The following COX7B2 variants were observed in gnomAD, a reference collection of about 807,000 sequenced individuals.
The protein encoded by COX7B2 is cytochrome c oxidase subunit 7B2, mitochondrial.
For synonymous variants in COX7B2, 37 were observed against 32.1 expected (o/e 1.15, Z -0.51); for missense variants, 109 against 95.9 (o/e 1.14, Z -0.57).
chr4:46,736,186 A>G (rs2109385697), intron 2 of COX7B2, among the ~76,000 whole-genome samples: 1 of 152,306 alleles, frequency 6.6e-6, no homozygotes, highest in South Asian at 2.1e-4. Context: ...TTACCGAAAC[A>G]CCAAAGGTTT....
chr4:46,754,728 GTATATA>G (rs56248005), intron 2 of COX7B2, among the ~76,000 whole-genome samples: 5 of 39,868 alleles, frequency 1.3e-4, no homozygotes, highest in East Asian at 1.3e-3. Flanking sequence ...GTGTGTGTGT[GTATATA>G]TATATATATA....
At chr4:46,832,074 G>C (rs549361136) in intron 2 of COX7B2, among the ~76,000 whole-genome samples, 41 of 152,300 alleles carry the variant, frequency 2.7e-4, no homozygotes, top group African/African-American at 9.6e-4. Flanking sequence ...GGCCAGATAA[G>C]AGAATAAAAG....
intron 1 of COX7B2, among the ~76,000 whole-genome samples, chr4:46,868,723 T>C (rs1193539068): frequency 6.6e-6 from 1 of 152,232 alleles, no homozygotes; most frequent in Non-Finnish European, 1.5e-5. Context: ...TAATTGAATG[T>C]GGTCCAAAAG....
chr4:46,782,889 A>G (rs1162140140), intron 2 of COX7B2, among the ~76,000 whole-genome samples: 6 of 152,208 alleles, frequency 3.9e-5, no homozygotes, highest in Non-Finnish European at 8.8e-5. Context: ...CCAACTCTGG[A>G]CACACCATCT....
At chr4:46,871,677 AACAG>A (rs1718000389) in intron 1 of COX7B2, among the ~76,000 whole-genome samples, 1 of 152,120 alleles carries the variant, frequency 6.6e-6, no homozygotes, top group East Asian at 1.9e-4. Flanking sequence ...AAAAGACATG[AACAG>A]ACACTTTTCA....
chr4:46,757,404 T>C (rs772620742), intron 2 of COX7B2, among the ~76,000 whole-genome samples: 1 of 152,074 alleles, frequency 6.6e-6, no homozygotes, highest in African/African-American at 2.4e-5. Context: ...GCCCAGACTA[T>C]CATTATGCAA....
chr4:46,799,274 G>T (rs552741515), intron 2 of COX7B2, among the ~76,000 whole-genome samples: 1 of 152,148 alleles, frequency 6.6e-6, no homozygotes, highest in Non-Finnish European at 1.5e-5. Context: ...GAAACGATGA[G>T]GTTTTCTAAT....
chr4:46,865,441 T>A (rs1717608536), intron 1 of COX7B2, among the ~76,000 whole-genome samples: 1 of 152,216 alleles, frequency 6.6e-6, no homozygotes, highest in Non-Finnish European at 1.5e-5. Flanking sequence ...CTTTTTCATA[T>A]AACAACCTCT....
chr4:46,767,296 A>G (rs536639219), intron 2 of COX7B2, among the ~76,000 whole-genome samples: 6 of 152,242 alleles, frequency 3.9e-5, no homozygotes, highest in Non-Finnish European at 7.3e-5. Flanking sequence ...AAAGTGGTCA[A>G]TTCATCAGGA....
At chr4:46,751,142 T>TC (rs1715347493) in intron 2 of COX7B2, among the ~76,000 whole-genome samples, 2 of 152,048 alleles carry the variant, frequency 1.3e-5, no homozygotes, top group African/African-American at 4.8e-5. Context: ...AAGATTTTTT[T>TC]TTTAGTTTTG....
intron 2 of COX7B2, among the ~76,000 whole-genome samples, chr4:46,744,203 T>C (rs6835325): frequency 0.011 from 1,666 of 151,374 alleles, 19 homozygotes; most frequent in Middle Eastern, 0.037. Flanking sequence ...CCGAGAAGGA[T>C]CCCCAGGCGT....
chr4:46,850,072 T>C (rs942362658), intron 1 of COX7B2, among the ~76,000 whole-genome samples: 5 of 150,920 alleles, frequency 3.3e-5, no homozygotes, highest in African/African-American at 1.2e-4. Flanking sequence ...CAAGGATGAT[T>C]ATACTAAAGC....
At chr4:46,754,040 A>G (rs1024960289) in intron 2 of COX7B2, among the ~76,000 whole-genome samples, 12 of 152,100 alleles carry the variant, frequency 7.9e-5, no homozygotes, top group African/African-American at 2.9e-4. Context: ...TTAGAATGGC[A>G]ATCATTACAA....
At chr4:46,852,892 T>C (rs1196212771) in intron 1 of COX7B2, among the ~76,000 whole-genome samples, 1 of 152,100 alleles carries the variant, frequency 6.6e-6, no homozygotes, top group Non-Finnish European at 1.5e-5. Flanking sequence ...TTAAAATAGA[T>C]CCCGAGTGTA....
At chr4:46,840,510 G>A (rs1326613309) in intron 2 of COX7B2, among the ~76,000 whole-genome samples, 1 of 151,920 alleles carries the variant, frequency 6.6e-6, no homozygotes, top group Non-Finnish European at 1.5e-5. Context: ...ATAGAAGAAA[G>A]AGCATACATG....
At position 46,874,797 on chromosome 4, in the gene COX7B2, A is replaced by G. The variant is rs140648182; in HGVS notation, c.-104-29783T>C. 2.2e-3 allele frequency among the ~76,000 whole-genome samples: 328 copies of G among 152,264 alleles called. 1 individual carries two copies. Among genetic ancestry groups the G allele is most frequent in the African/African-American group, 7.7e-3 (318 of 41,560 alleles). On this transcript the variant is annotated intron_variant, in intron 1 of 2. Coordinates refer to ENST00000355591, the MANE Select transcript of COX7B2 (RefSeq NM_130902.3). ...TTTCTGGAAATTTTTCTCAACATTG[A>G]TATTTTTGTAAGACTGACACATGCA...
intron 1 of COX7B2, among the ~76,000 whole-genome samples, chr4:46,875,741 C>T (rs1028890007): frequency 6.6e-6 from 1 of 151,680 alleles, no homozygotes; most frequent in African/African-American, 2.4e-5. Flanking sequence ...TTTCATCCCC[C>T]GTAGCCCATG....
At chr4:46,751,262 G>T (rs1056697385) in intron 2 of COX7B2, among the ~76,000 whole-genome samples, 1 of 151,760 alleles carries the variant, frequency 6.6e-6, no homozygotes, top group Non-Finnish European at 1.5e-5. Flanking sequence ...TTACTTCAAA[G>T]TGACAAACTA....
At chr4:46,890,239 T>A (rs1300861670) in intron 1 of COX7B2, among the ~76,000 whole-genome samples, 1 of 152,200 alleles carries the variant, frequency 6.6e-6, no homozygotes, top group Admixed American at 6.5e-5. Context: ...TCACAAGGAT[T>A]TGGCTTCCGT....
Sources: gnomAD v4.1 joint callset for allele counts (sites outside exome capture counted in the v4.1 genomes callset) on GRCh38, gnomAD v4.1.1 for gene constraint, MANE v1.5 for transcripts, NCBI Gene and HGNC (gene_info 2026-07-23, HGNC 2026-07-21) for gene names.